KIF21A: variants seen among roughly 807,000 people sequenced by gnomAD.
KIF21A encodes the protein kinesin-like protein KIF21A.
A neutral mutation model predicts 202.9 loss-of-function variants in KIF21A; 114 were observed. The ratio of observed to expected loss-of-function variants is 0.56; its 90% CI spans 0.48 to 0.66. The LOEUF (loss-of-function observed/expected upper bound fraction) is 0.66, where lower values mean the gene tolerates loss of function less well. Among genes scored for constraint, KIF21A ranks in the 30% least tolerant of loss-of-function variants. The pLI, the probability that KIF21A is intolerant of heterozygous loss-of-function variation, is 0.00. For missense variants in KIF21A, 1,677 were observed against 1,994.9 expected, an observed-to-expected ratio of 0.84 and a Z score of 3.04; for synonymous variants, 667 against 670.8, an observed-to-expected ratio of 0.99 and a Z score of 0.09.
intron 1 of KIF21A, among the ~76,000 whole-genome samples, chr12:39,376,083 CTGTATTTTTTAAATTACCGTT>C (rs1204883730): frequency 6.6e-6 from 1 of 152,034 alleles, no homozygotes; most frequent in Non-Finnish European, 1.5e-5. Flanking sequence ...CAGACTGTTG[CTGTATTTTTTAAATTACCGTT>C]TGGATACCTT....
chr12:39,339,450 T>C, intron 16 of KIF21A, among the ~76,000 whole-genome samples: 1 of 152,126 alleles, frequency 6.6e-6, no homozygotes, highest in East Asian at 1.9e-4. Flanking sequence ...TATACCATCG[T>C]GGTTTGTATA....
intron 24 of KIF21A, 135 bp from the exon 25 acceptor site, chr12:39,326,459 T>C (rs1456033392): frequency 5.7e-6 from 4 of 699,418 alleles, no homozygotes; most frequent in Admixed American, 2.1e-5. Context: ...TGAATCTAAA[T>C]AGACAGAATT....
chr12:39,375,644 C>T (rs1176623925), intron 1 of KIF21A, among the ~76,000 whole-genome samples: 1 of 152,066 alleles, frequency 6.6e-6, no homozygotes, highest in Non-Finnish European at 1.5e-5. Flanking sequence ...GTCAAATCAA[C>T]ATGAAGCTCA....
chr12:39,422,412 TA>T (rs1274688825), intron 1 of KIF21A, among the ~76,000 whole-genome samples: 1 of 152,212 alleles, frequency 6.6e-6, no homozygotes, highest in Non-Finnish European at 1.5e-5. Context: ...GCAGCTGTAC[TA>T]ATAATATCAG....
intron 10 of KIF21A, among the ~76,000 whole-genome samples, chr12:39,355,078 A>C (rs544099375): frequency 6.6e-6 from 1 of 152,294 alleles, no homozygotes; most frequent in South Asian, 2.1e-4. Flanking sequence ...GGTGGGACAC[A>C]CCTAATTAAA....
rs1949655132 is a variant in KIF21A, at chr12:39,367,133, G to C, written c.632C>G (p.Ser211Cys). 6.2e-7 allele frequency: 1 copy of C among 1,613,918 alleles called. No homozygotes were observed. Among genetic ancestry groups the C allele is most frequent in the Non-Finnish European group, 8.5e-7 (1 of 1,179,878 alleles). ...MMQCLKLGAL[S>C]RTTASTQMNV... is the part of the protein sequence containing the mutation. ...CATCTGGGTACTGGCAGTTGTCCGGGATAAAGCACCCAACTTCAAACACTG... is the reference window on the plus strand; with the variant it reads ...CATCTGGGTACTGGCAGTTGTCCGGCATAAAGCACCCAACTTCAAACACTG... The change falls in exon 5 of 38, where the codon TCC becomes TGC. Residue 211 changes from serine to cysteine, a missense_variant. Ser to Cys is a moderately radical substitution (Grantham distance 112). Around this residue, in one of 3 missense-constraint regions of KIF21A, gnomAD observed 966 missense variants for 1,180.9 expected, o/e 0.82. Transcript: ENST00000361418.
At chr12:39,385,425 G>A (rs529855527) in intron 1 of KIF21A, among the ~76,000 whole-genome samples, 70 of 152,116 alleles carry the variant, frequency 4.6e-4, no homozygotes, top group African/African-American at 1.5e-3. Flanking sequence ...CAAATTTCTC[G>A]ACCATTTCAT....
At chr12:39,308,415 C>T (rs918895375) in intron 33 of KIF21A, among the ~76,000 whole-genome samples, 1 of 151,608 alleles carries the variant, frequency 6.6e-6, no homozygotes. Flanking sequence ...ACAAATGATA[C>T]GTTGCCACAA....
chr12:39,325,534 G>A (rs969268848), intron 26 of KIF21A, among the ~76,000 whole-genome samples: 29 of 136,756 alleles, frequency 2.1e-4, no homozygotes, highest in Admixed American at 2.0e-3. Context: ...TAGTAGACAC[G>A]GGTTTTCGCC....
intron 1 of KIF21A, among the ~76,000 whole-genome samples, chr12:39,429,035 ATG>A: frequency 6.6e-6 from 1 of 151,958 alleles, no homozygotes; most frequent in African/African-American, 2.4e-5. Context: ...AATATAAAGT[ATG>A]TGTGTGTGTG....
intron 27 of KIF21A, chr12:39,321,369 C>T (rs1945234377): frequency 1.3e-5 from 2 of 152,188 alleles, no homozygotes; most frequent in African/African-American, 2.4e-5. Context: ...TTCCAGGCCA[C>T]AGATTTAGTC....
At chr12:39,321,553 A>G (rs1448833790) in intron 27 of KIF21A, 1 of 152,258 alleles carries the variant, frequency 6.6e-6, no homozygotes, top group East Asian at 1.9e-4. Flanking sequence ...CTCTAACAGC[A>G]GATCCAACAG....
intron 1 of KIF21A, among the ~76,000 whole-genome samples, chr12:39,417,488 C>CAGTA (rs1337603246): frequency 1.3e-5 from 2 of 152,104 alleles, no homozygotes; most frequent in African/African-American, 2.4e-5. Flanking sequence ...ACTTTTTAAC[C>CAGTA]AGTAAGGGAA....
At chr12:39,299,757 A>C (rs1356073748) in intron 37 of KIF21A, among the ~76,000 whole-genome samples, 3 of 152,238 alleles carry the variant, frequency 2.0e-5, no homozygotes, top group African/African-American at 2.4e-5. Context: ...TACATCATGG[A>C]ATACCATGCA....
chr12:39,311,579 C>A, intron 31 of KIF21A, 26 bp from the exon 32 acceptor site: 1 of 1,611,406 alleles, frequency 6.2e-7, no homozygotes, highest in Non-Finnish European at 8.5e-7. Context: ...AACAAACAAA[C>A]CAAGACTCAC....
intron 1 of KIF21A, among the ~76,000 whole-genome samples, chr12:39,398,847 G>T (rs1951952379): frequency 6.6e-6 from 1 of 152,036 alleles, no homozygotes; most frequent in Admixed American, 6.6e-5. Flanking sequence ...CACATCTGTG[G>T]ATTCAACCAA....
intron 1 of KIF21A, among the ~76,000 whole-genome samples, chr12:39,432,709 CAAGT>C (rs2140373941): frequency 6.6e-6 from 1 of 152,064 alleles, no homozygotes; most frequent in African/African-American, 2.4e-5. Context: ...CTCCCGAGTT[CAAGT>C]GATTCTCTTC....
intron 1 of KIF21A, among the ~76,000 whole-genome samples, chr12:39,406,053 A>G (rs539029112): frequency 1.3e-5 from 2 of 152,288 alleles, no homozygotes; most frequent in South Asian, 4.1e-4. Context: ...TAGAACATTC[A>G]AAACACATCT....
intron 12 of KIF21A, among the ~76,000 whole-genome samples, chr12:39,343,948 C>T (rs551332876): frequency 1.3e-5 from 2 of 152,208 alleles, no homozygotes; most frequent in East Asian, 3.9e-4. Flanking sequence ...CAGAATGGTA[C>T]AGTTTCAAAG....
Sources: allele counts gnomAD v4.1 joint callset (sites outside exome capture counted in the v4.1 genomes callset), GRCh38; gene constraint gnomAD v4.1.1; regional missense constraint gnomAD v4.1.1; transcripts MANE v1.5; gene names NCBI Gene and HGNC (gene_info 2026-07-23, HGNC 2026-07-21).